Variants in NCOR2 observed in about 807,000 individuals in gnomAD.
The protein encoded by NCOR2 is nuclear receptor corepressor 2.
In NCOR2, 81 loss-of-function variants were observed where a neutral mutation model predicts 262.9. The observed-to-expected ratio is 0.31, with a 90% CI of 0.26 to 0.37. The LOEUF (loss-of-function observed/expected upper bound fraction) is 0.37, where lower values mean the gene tolerates loss of function less well. NCOR2 is among the 10% of genes least tolerant of loss of function. The pLI, the probability that NCOR2 is intolerant of heterozygous loss-of-function variation, is 1.00. For synonymous variants in NCOR2, 1,659 were observed against 1,559.3 expected, an observed-to-expected ratio of 1.06 and a Z score of -1.51; for missense variants, 3,385 against 3,621.4, an observed-to-expected ratio of 0.93 and a Z score of 1.68.
At chr12:124,340,613 G>C in exon 35 of NCOR2, 3 of 1,499,712 alleles carry the variant, frequency 2.0e-6, no homozygotes, top group Non-Finnish European at 2.7e-6. Flanking sequence ...TGGGGAGAGT[G>C]GGGAGCTGCT....
In NCOR2 at chr12:124,443,052, T is replaced by TG. The variant is rs1424980017; in HGVS notation, c.816-5057dup. Among the ~76,000 whole-genome samples the TG allele has an allele frequency of 6.6e-6, 1 of 152,228 alleles. No homozygotes were observed. The highest frequency in any genetic ancestry group is 1.9e-4 in the East Asian group (1 of 5,202). ...CAGAGCCTTCTAGAGAATGTGGTCC[T>TG]GCAGCACCTTGATTTCCAACTGCTG... On this transcript the variant is annotated intron_variant, in intron 7 of 46. Coordinates refer to ENST00000405201, the Ensembl canonical transcript of NCOR2. The surrounding 1 kb of genome is among the most constrained non-coding windows in gnomAD (Gnocchi z 4.4).
intron 1 of NCOR2, among the ~76,000 whole-genome samples, chr12:124,493,863 C>T (rs1426117981): frequency 2.0e-5 from 3 of 152,298 alleles, no homozygotes; most frequent in African/African-American, 4.8e-5. Context: ...GGCAGCCTCC[C>T]CACTTAGGGC....
intron 13 of NCOR2, among the ~76,000 whole-genome samples, chr12:124,419,431 T>G (rs1186941648): frequency 6.6e-6 from 1 of 152,222 alleles, no homozygotes; most frequent in Non-Finnish European, 1.5e-5. Flanking sequence ...AGTCCCAGTC[T>G]GCCAGCCTCT....
At chr12:124,501,344 G>A (rs1460928192) in intron 1 of NCOR2, among the ~76,000 whole-genome samples, 1 of 151,754 alleles carries the variant, frequency 6.6e-6, no homozygotes, top group African/African-American at 2.4e-5. Flanking sequence ...CGAGAGGCAC[G>A]GCACCTGGCA....
intron 1 of NCOR2, among the ~76,000 whole-genome samples, chr12:124,525,529 C>T (rs561507330): frequency 2.1e-4 from 32 of 152,342 alleles, no homozygotes; most frequent in Admixed American, 1.4e-3. Flanking sequence ...AGGAGGAGGC[C>T]GTGGGGACAC....
At chr12:124,382,799 G>A (rs1194053180) in intron 17 of NCOR2, among the ~76,000 whole-genome samples, 1 of 152,232 alleles carries the variant, frequency 6.6e-6, no homozygotes, top group Non-Finnish European at 1.5e-5. Context: ...AATGCTTATT[G>A]AGGGCTGACC....
rs879458496 is a variant in NCOR2, at chr12:124,335,121, G to T, written c.6411+14C>A. On this transcript the variant is annotated intron_variant, in intron 40 of 46. Coordinates refer to ENST00000405201, the Ensembl canonical transcript of NCOR2. ...TGCAAAGGTGACAAGCAGCAGCAGA[G>T]AACGCGTAGTTACACTGATGTGCTG... 1 of 1,612,248 alleles carries T rather than the reference G, an allele frequency of 6.2e-7. No homozygotes were observed. Among genetic ancestry groups the T allele is most frequent in the Non-Finnish European group, 8.5e-7 (1 of 1,179,910 alleles).
chr12:124,374,001 G>A lies in NCOR2; in HGVS notation c.2218+412C>T, dbSNP rs972130790. On this transcript the variant is annotated intron_variant, in intron 19 of 46. Transcript: ENST00000405201. ...TGGCGGAGTGGCAGGATGAAAGCAC[G>A]CACCCAAGGATGGCAAGGAGAGCCC... Among the ~76,000 whole-genome samples, 8 of 152,146 alleles carry A rather than the reference G, an allele frequency of 5.3e-5. No individual in the cohort carries two copies. In the South Asian group the frequency reaches 1.5e-3, roughly 28 times the overall value.
At chr12:124,520,070 C>T (rs890523796) in intron 1 of NCOR2, among the ~76,000 whole-genome samples, 3 of 152,174 alleles carry the variant, frequency 2.0e-5, no homozygotes, top group Non-Finnish European at 2.9e-5. Flanking sequence ...AGACTGGCCA[C>T]GAGGGGATGA....
chr12:124,376,619 C>A (rs1488285886), intron 18 of NCOR2, among the ~76,000 whole-genome samples: 1 of 152,198 alleles, frequency 6.6e-6, no homozygotes, highest in Non-Finnish European at 1.5e-5. Flanking sequence ...CTGACCCGCC[C>A]CCAACTTGAG....
chr12:124,445,875 G>A (rs1406637178), intron 7 of NCOR2, among the ~76,000 whole-genome samples: 1 of 152,228 alleles, frequency 6.6e-6, no homozygotes, highest in Admixed American at 6.5e-5. Flanking sequence ...AAACCCAGTA[G>A]TATGTGCTGT....
intron 7 of NCOR2, among the ~76,000 whole-genome samples, chr12:124,441,730 GACTT>G (rs1302385281): frequency 6.6e-6 from 1 of 152,232 alleles, no homozygotes; most frequent in Non-Finnish European, 1.5e-5. Context: ...AGATGGGTGG[GACTT>G]GGTGACTCCC....
In NCOR2 at chr12:124,484,069, C is replaced by T. The variant is rs754511801; in HGVS notation, c.234-296G>A. Among the ~76,000 whole-genome samples the T allele has an allele frequency of 2.8e-4, 43 of 152,260 alleles. No individual in the cohort carries two copies. In the East Asian group the frequency reaches 2.9e-3, roughly 10 times the overall value. On this transcript the variant is annotated intron_variant, in intron 2 of 46. Transcript: ENST00000405201. ...CCTCCCTTGCTACGGACCACCCCAC[C>T]GTCCCCACCTGGGGCTGGCTACAAT...
At chr12:124,460,079 C>T (rs1182338227) in intron 5 of NCOR2, among the ~76,000 whole-genome samples, 1 of 152,214 alleles carries the variant, frequency 6.6e-6, no homozygotes, top group Non-Finnish European at 1.5e-5. Flanking sequence ...CTCGACCACT[C>T]GTTTTCCCAC....
At chr12:124,388,670 G>C in intron 16 of NCOR2, 1 of 1,304,406 alleles carries the variant, frequency 7.7e-7, no homozygotes, top group Middle Eastern at 2.1e-4. Flanking sequence ...CCCCTCCCCA[G>C]GACCACTCAC....
chr12:124,336,691 G>A (rs1406545674), intron 38 of NCOR2, 62 bp downstream of exon 40: 75 of 1,588,046 alleles, frequency 4.7e-5, no homozygotes, highest in Non-Finnish European at 6.0e-5. Flanking sequence ...CCCCTTTATC[G>A]TGAGCAATTT....
chr12:124,326,122 C>T lies in NCOR2; in HGVS notation c.7363+69G>A, dbSNP rs75940096. The T allele has an allele frequency of 1.9e-3, 2,716 of 1,399,550 alleles. 71 individuals are homozygous for T. The East Asian group carries it at 0.063, about 33-fold the overall frequency. 86.7% of individuals were successfully genotyped at this position (1,399,550 alleles called of 1,614,324 possible). A position where few individuals can be genotyped will look rare whatever the true frequency, so the allele number is the denominator to read the frequency against. ...TGCAGCAGGCGCTCAGCATTCAGTG[C>T]CCCGGCAGCATTCACAGCCCAGTGT... On this transcript the variant is annotated intron_variant, in intron 46 of 46. Coordinates refer to ENST00000405201, the Ensembl canonical transcript of NCOR2.
chr12:124,447,469 T>C (rs2045248718), intron 7 of NCOR2, among the ~76,000 whole-genome samples: 2 of 152,238 alleles, frequency 1.3e-5, no homozygotes, highest in South Asian at 2.1e-4. Context: ...TTAGATTCTA[T>C]GGCTGTCTTT....
At chr12:124,351,532 A>G (rs1461705725) in intron 27 of NCOR2, among the ~76,000 whole-genome samples, 1 of 152,110 alleles carries the variant, frequency 6.6e-6, no homozygotes, top group Non-Finnish European at 1.5e-5. Context: ...ATTTCCCCCA[A>G]TTGAGAACCA....
Sources: allele counts gnomAD v4.1 joint callset (sites outside exome capture counted in the v4.1 genomes callset), GRCh38; gene constraint gnomAD v4.1.1; non-coding constraint Gnocchi (gnomAD v3.1); transcripts MANE v1.5; gene names NCBI Gene and HGNC (gene_info 2026-07-23, HGNC 2026-07-21).